The following AKAP6 variants were observed in gnomAD, a reference collection of about 807,000 sequenced individuals.
AKAP6 encodes the protein A-kinase anchor protein 6.
In AKAP6, 58 loss-of-function variants were observed where a neutral mutation model predicts 188.5. That is an observed-to-expected ratio of 0.31 (90% CI 0.25 to 0.38). AKAP6 has a LOEUF of 0.38. Ranked by LOEUF, AKAP6 falls within the 10% of genes least tolerant of loss-of-function variation. The pLI is 1.00. For missense variants in AKAP6, 2,710 were observed against 2,740.0 expected (o/e 0.99, Z 0.24); for synonymous variants, 989 against 998.6 (o/e 0.99, Z 0.18).
chr14:32,406,312 C>T (rs755425324), intron 1 of AKAP6, among the ~76,000 whole-genome samples: 3 of 152,102 alleles, frequency 2.0e-5, no homozygotes, highest in Non-Finnish European at 4.4e-5. Context: ...TGGGTTCAAG[C>T]GATTCTCCTG....
intron 5 of AKAP6, among the ~76,000 whole-genome samples, chr14:32,582,109 G>T (rs1884998833): frequency 6.6e-6 from 1 of 151,622 alleles, no homozygotes. Flanking sequence ...TTACAATTTG[G>T]CATGATTTTG....
At chr14:32,768,573 A>G (rs1463404657) in intron 11 of AKAP6, among the ~76,000 whole-genome samples, 1 of 152,206 alleles carries the variant, frequency 6.6e-6, no homozygotes, top group Non-Finnish European at 1.5e-5. Flanking sequence ...TCATTTGATA[A>G]AAATAGGAAA....
intron 4 of AKAP6, among the ~76,000 whole-genome samples, chr14:32,567,027 A>G (rs143921004): frequency 4.1e-4 from 63 of 152,222 alleles, no homozygotes; most frequent in African/African-American, 1.5e-3. Context: ...GGCTCAAGCA[A>G]TCCTCCCACC....
intron 1 of AKAP6, among the ~76,000 whole-genome samples, chr14:32,378,689 A>G (rs1250557366): frequency 6.6e-6 from 1 of 152,214 alleles, no homozygotes; most frequent in East Asian, 1.9e-4. Flanking sequence ...TTACAAAGCT[A>G]TTAAGATGAC....
At chr14:32,765,708 T>TAAAA (rs35137560) in intron 11 of AKAP6, among the ~76,000 whole-genome samples, 1 of 142,752 alleles carries the variant, frequency 7.0e-6, no homozygotes, top group Non-Finnish European at 1.5e-5. Flanking sequence ...AGCCATAACT[T>TAAAA]AAAAAAAAAA....
intron 2 of AKAP6, among the ~76,000 whole-genome samples, chr14:32,466,827 T>TTATATATATATATATATATA (rs776142584): frequency 0.021 from 2,423 of 114,444 alleles, 73 homozygotes; most frequent in African/African-American, 0.05. Context: ...AAAAACAAGA[T>TTATATATATATATATATATA]TATATATATA....
Position 32,503,259 on chromosome 14 carries a change from T to C in AKAP6, c.325-32295T>C, listed in dbSNP as rs1880696337. 1.3e-5 allele frequency among the ~76,000 whole-genome samples: 2 copies of C among 152,138 alleles called. 1 individual carries two copies. Among genetic ancestry groups the C allele is most frequent in the Non-Finnish European group, 2.9e-5 (2 of 67,986 alleles). ...GAACTGTGCTCATATCCTTTCCCTA[T>C]TTTTCAGTTGTGTTGTTGGTCTTTT... On this transcript the variant is annotated intron_variant, in intron 2 of 13. Coordinates refer to ENST00000280979, the MANE Select transcript of AKAP6 (RefSeq NM_004274.5).
chr14:32,508,185 G>C (rs1313790415), intron 2 of AKAP6, among the ~76,000 whole-genome samples: 2 of 152,184 alleles, frequency 1.3e-5, no homozygotes, highest in African/African-American at 4.8e-5. Context: ...AGTCCTTAAG[G>C]TTGTTCTTAA....
chr14:32,583,869 T>G (rs1885102585), intron 5 of AKAP6, among the ~76,000 whole-genome samples: 1 of 152,174 alleles, frequency 6.6e-6, no homozygotes, highest in South Asian at 2.1e-4. Context: ...ATTTTCCAGG[T>G]GCCATCTGTC....
chr14:32,545,633 C>T lies in AKAP6; in HGVS notation c.980C>T (p.Ser327Leu). Residue 327 changes from serine (S) to leucine (L), a missense_variant, in exon 4 of 14, where the codon TCA (serine) becomes TTA (leucine). Transcript: ENST00000280979. Reference sequence around the variant, plus strand: ...CCAGGCTTAACACTGGGGGTGTCATCATCTTCAGGAGAAGCTCTGACAAAT... The same window carrying T: ...CCAGGCTTAACACTGGGGGTGTCATTATCTTCAGGAGAAGCTCTGACAAAT... ...EQPGLTLGVS[S>L]SSGEALTNAA... 1 of 1,614,188 alleles carries T rather than the reference C, an allele frequency of 6.2e-7. No homozygotes were observed. The highest frequency in any genetic ancestry group is 1.3e-5 in the African/African-American group (1 of 75,056).
intron 1 of AKAP6, among the ~76,000 whole-genome samples, chr14:32,335,865 T>A (rs11622444): frequency 1.4e-4 from 19 of 136,744 alleles, no homozygotes; most frequent in Non-Finnish European, 2.5e-4. Context: ...TTTTTTTTTT[T>A]AATTCTCTCT....
intron 7 of AKAP6, among the ~76,000 whole-genome samples, chr14:32,649,777 A>T (rs1258334311): frequency 6.6e-6 from 1 of 152,184 alleles, no homozygotes; most frequent in Non-Finnish European, 1.5e-5. Flanking sequence ...CCTCCATTTC[A>T]TCAGAATAAT....
intron 2 of AKAP6, among the ~76,000 whole-genome samples, chr14:32,523,173 G>A (rs1309922660): frequency 7.4e-6 from 1 of 135,126 alleles, no homozygotes; most frequent in African/African-American, 2.7e-5. Flanking sequence ...ACCGGGGCCT[G>A]TCTTGGGGTG....
At chr14:32,508,218 A>G (rs1013991028) in intron 2 of AKAP6, among the ~76,000 whole-genome samples, 2 of 152,244 alleles carry the variant, frequency 1.3e-5, no homozygotes, top group African/African-American at 4.8e-5. Flanking sequence ...ATAATGAAAG[A>G]GGGAATTCAT....
chr14:32,739,116 G>A (rs1057294867), intron 11 of AKAP6, among the ~76,000 whole-genome samples: 3 of 152,098 alleles, frequency 2.0e-5, no homozygotes, highest in African/African-American at 7.2e-5. Context: ...CACCTAATAT[G>A]TATGAGGCAC....
chr14:32,437,572 T>C lies in AKAP6; in HGVS notation c.324+3755T>C, dbSNP rs114042054. 9.2e-4 allele frequency among the ~76,000 whole-genome samples: 140 copies of C among 152,174 alleles called. 2 individuals carry two copies. The highest frequency in any genetic ancestry group is 2.6e-3 in the African/African-American group (106 of 41,532). On this transcript the variant is annotated intron_variant, in intron 2 of 13. Coordinates refer to ENST00000280979, the MANE Select transcript of AKAP6 (RefSeq NM_004274.5). The stretch of plus-strand genomic sequence containing the variant: ...TAAAACCCCTGCCACCCAGCCATTA[T>C]CTAGTCCATCACCTAGCTTTATTAT...
chr14:32,510,888 T>G (rs1238976805), intron 2 of AKAP6, among the ~76,000 whole-genome samples: 2 of 152,174 alleles, frequency 1.3e-5, no homozygotes, highest in African/African-American at 4.8e-5. Flanking sequence ...GATTCTGTGA[T>G]AACACCGAGG....
chr14:32,407,685 C>G (rs1179728760), intron 1 of AKAP6, among the ~76,000 whole-genome samples: 1 of 152,106 alleles, frequency 6.6e-6, no homozygotes, highest in Non-Finnish European at 1.5e-5. Flanking sequence ...TCAGGAAACC[C>G]ATGGTTTTAG....
At chr14:32,580,406 T>A (rs931784614) in intron 5 of AKAP6, among the ~76,000 whole-genome samples, 1 of 152,140 alleles carries the variant, frequency 6.6e-6, no homozygotes, top group Non-Finnish European at 1.5e-5. Flanking sequence ...AAGATAGAAT[T>A]GTATAGGTAT....
Sources: gnomAD v4.1 joint callset for allele counts (sites outside exome capture counted in the v4.1 genomes callset) on GRCh38, gnomAD v4.1.1 for gene constraint, MANE v1.5 for transcripts, NCBI Gene and HGNC (gene_info 2026-07-23, HGNC 2026-07-21) for gene names.